COL11A1: variants seen among roughly 807,000 people sequenced by gnomAD.
COL11A1 encodes the protein collagen alpha-1(XI) chain.
A neutral mutation model predicts 265.2 loss-of-function variants in COL11A1; 74 were observed. The observed-to-expected ratio is 0.28, with a 90% CI of 0.23 to 0.34. The LOEUF (loss-of-function observed/expected upper bound fraction) is 0.34, where lower values mean the gene tolerates loss of function less well. Among genes scored for constraint, COL11A1 ranks in the 10% least tolerant of loss-of-function variants. The probability of loss-of-function intolerance (pLI) is 1.00; values close to 1 mark genes in which losing one functional copy is unlikely to be tolerated. For synonymous variants in COL11A1, 816 were observed against 727.6 expected (o/e 1.12, Z -1.96); for missense variants, 2,165 against 2,263.6 (o/e 0.96, Z 0.88).
chr1:103,008,438 A>T, intron 15 of COL11A1, 25 bp downstream of exon 15: 1 of 1,606,178 alleles, frequency 6.2e-7, no homozygotes, highest in Non-Finnish European at 8.5e-7. Context: ...AGTCAAGAAT[A>T]AAAAGTCAAA....
At chr1:103,080,149 G>A (rs1177988276) in intron 2 of COL11A1, among the ~76,000 whole-genome samples, 1 of 151,794 alleles carries the variant, frequency 6.6e-6, no homozygotes, top group African/African-American at 2.4e-5. Flanking sequence ...TTATGAAGTG[G>A]AAATTATTAA....
At chr1:102,901,810 A>T (rs528701128) in intron 54 of COL11A1, among the ~76,000 whole-genome samples, 110 of 152,292 alleles carry the variant, frequency 7.2e-4, no homozygotes, top group Middle Eastern at 3.4e-3. Flanking sequence ...TTACAGTATG[A>T]TTCTGTAATT....
intron 50 of COL11A1, 59 bp downstream of exon 50, chr1:102,915,572 G>T: frequency 7.1e-7 from 1 of 1,399,728 alleles, no homozygotes; most frequent in Non-Finnish European, 1.0e-6. Context: ...TGTTTGTAAT[G>T]CTGTAAAAGA....
At chr1:103,053,338 G>A (rs1451966284) in intron 4 of COL11A1, among the ~76,000 whole-genome samples, 1 of 151,992 alleles carries the variant, frequency 6.6e-6, no homozygotes, top group Non-Finnish European at 1.5e-5. Context: ...CCAAAATATG[G>A]GACTTTATTT....
chr1:102,919,328 A>C (rs1655702530), intron 49 of COL11A1, among the ~76,000 whole-genome samples: 3 of 60,572 alleles, frequency 5.0e-5, no homozygotes, highest in African/African-American at 5.6e-5. Context: ...GCTGAAGTAG[A>C]TATCAAAATA....
Position 103,095,514 on chromosome 1 carries a change from G to A in COL11A1, c.107-12542C>T, listed in dbSNP as rs77830731. On this transcript the variant is annotated intron_variant, in intron 1 of 66. Coordinates refer to ENST00000370096, the MANE Select transcript of COL11A1 (RefSeq NM_001854.4). ...GAAGTTCCTCTATCCTGCTATTCTT[G>A]CAGAACAGAATTCTAAGCAAAAGGA... Among the ~76,000 whole-genome samples, 1,016 of 152,136 alleles carry A rather than the reference G, an allele frequency of 6.7e-3. 9 individuals carry two copies. The highest frequency in any genetic ancestry group is 0.023 in the African/African-American group (975 of 41,526).
intron 11 of COL11A1, among the ~76,000 whole-genome samples, chr1:103,016,653 T>A (rs1358871006): frequency 6.6e-6 from 1 of 151,930 alleles, no homozygotes; most frequent in African/African-American, 2.4e-5. Flanking sequence ...CAGCAGCACT[T>A]TTCAAATGTG....
At chr1:102,880,897 C>G (rs1053487735) in intron 65 of COL11A1, among the ~76,000 whole-genome samples, 21 of 151,734 alleles carry the variant, frequency 1.4e-4, no homozygotes, top group African/African-American at 2.4e-5. Flanking sequence ...TATTTTTAAA[C>G]TTATACAAAG....
chr1:102,939,739 T>C (rs1658526412), intron 43 of COL11A1, among the ~76,000 whole-genome samples: 1 of 152,024 alleles, frequency 6.6e-6, no homozygotes, highest in East Asian at 1.9e-4. Context: ...AACAAAATAA[T>C]GGAAAAAATT....
chr1:102,963,853 G>A (rs1284299558), intron 38 of COL11A1, among the ~76,000 whole-genome samples: 1 of 151,956 alleles, frequency 6.6e-6, no homozygotes, highest in East Asian at 1.9e-4. Context: ...TAATTGAACA[G>A]CGATCACCGA....
At chr1:102,890,387 A>C in intron 58 of COL11A1, 64 bp downstream of exon 58, 1 of 1,388,500 alleles carries the variant, frequency 7.2e-7, no homozygotes, top group Non-Finnish European at 9.8e-7. Flanking sequence ...TTAATCTGCA[A>C]AAGCAGGGCT....
intron 1 of COL11A1, among the ~76,000 whole-genome samples, chr1:103,091,461 C>T (rs930579387): frequency 4.6e-5 from 7 of 151,990 alleles, no homozygotes; most frequent in Non-Finnish European, 1.0e-4. Context: ...AGATGTTTGA[C>T]TTGTATGCTA....
intron 17 of COL11A1, 63 bp from the exon 18 acceptor site, chr1:103,005,954 C>T: frequency 6.2e-7 from 1 of 1,612,616 alleles, no homozygotes; most frequent in Non-Finnish European, 8.5e-7. Flanking sequence ...TAGATATGTA[C>T]TGCAATTTAA....
intron 4 of COL11A1, among the ~76,000 whole-genome samples, chr1:103,059,668 A>G (rs1045632976): frequency 1.3e-5 from 2 of 152,286 alleles, no homozygotes; most frequent in East Asian, 1.9e-4. Flanking sequence ...CAGAAAGATG[A>G]TAACTGTAAC....
chr1:102,959,656 T>C (rs539877178), intron 41 of COL11A1, among the ~76,000 whole-genome samples: 1 of 152,342 alleles, frequency 6.6e-6, no homozygotes, highest in East Asian at 1.9e-4. Context: ...CAGTTGCATA[T>C]AACAAAGTAA....
intron 41 of COL11A1, among the ~76,000 whole-genome samples, chr1:102,949,495 G>T (rs1268798639): frequency 6.7e-6 from 1 of 150,176 alleles, no homozygotes; most frequent in Admixed American, 6.6e-5. Flanking sequence ...CTATGGCGAA[G>T]TTGATGGGTA....
At chr1:103,103,441 G>A (rs192247464) in intron 1 of COL11A1, among the ~76,000 whole-genome samples, 150 of 151,932 alleles carry the variant, frequency 9.9e-4, no homozygotes, top group Non-Finnish European at 1.9e-3. Context: ...AGAGTATTAC[G>A]CCTTCTACTT....
chr1:102,937,887 T>G (rs1486630270), intron 44 of COL11A1, among the ~76,000 whole-genome samples: 1 of 152,224 alleles, frequency 6.6e-6, no homozygotes, highest in East Asian at 1.9e-4. Flanking sequence ...TGTAAATGTA[T>G]AGTCAATACT....
At chr1:102,878,503 T>TATATATATATATA (rs1553191037) in intron 66 of COL11A1, among the ~76,000 whole-genome samples, 194 of 127,144 alleles carry the variant, frequency 1.5e-3, no homozygotes, top group South Asian at 3.9e-3. Context: ...TATATATATA[T>TATATATATATATA]TCTTTTTCTT....
Sources: gnomAD v4.1 joint callset for allele counts (sites outside exome capture counted in the v4.1 genomes callset) on GRCh38, gnomAD v4.1.1 for gene constraint, MANE v1.5 for transcripts, NCBI Gene and HGNC (gene_info 2026-07-23, HGNC 2026-07-21) for gene names.